Variants in ROBO2 observed in about 807,000 individuals in gnomAD.
ROBO2 encodes roundabout guidance receptor 2, also known as roundabout homolog 2.
ROBO2 carries 53 observed loss-of-function variants against 160.8 expected under a neutral mutation model. That is an observed-to-expected ratio of 0.33 (90% confidence interval 0.26 to 0.41). ROBO2 has a LOEUF of 0.41. Ranked by LOEUF, ROBO2 falls within the 10% of genes least tolerant of loss-of-function variation. ROBO2 has a pLI of 1.00. For missense variants in ROBO2, 1,577 were observed against 1,722.4 expected, an observed-to-expected ratio of 0.92 and a Z score of 1.49; for synonymous variants, 664 against 611.7, an observed-to-expected ratio of 1.09 and a Z score of -1.26.
chr3:76,340,099 T>G (rs187992478), intron 2 of ROBO2, among the ~76,000 whole-genome samples: 1,670 of 125,752 alleles, frequency 0.013, 22 homozygotes, highest in Middle Eastern at 0.043. Context: ...AAAAAAAAAC[T>G]TAGAAAATTA....
intron 21 of ROBO2, among the ~76,000 whole-genome samples, chr3:77,610,762 A>AG (rs1362554955): frequency 2.0e-5 from 3 of 149,494 alleles, no homozygotes. Flanking sequence ...AAAAAAAAAA[A>AG]AAAAAGAAAA....
chr3:76,348,060 C>T (rs1346970294), intron 2 of ROBO2, among the ~76,000 whole-genome samples: 1 of 152,024 alleles, frequency 6.6e-6, no homozygotes. Context: ...TATCCGCCAT[C>T]ATTCCACAGT....
At chr3:76,600,895 C>T (rs1251325050) in intron 2 of ROBO2, among the ~76,000 whole-genome samples, 2 of 152,136 alleles carry the variant, frequency 1.3e-5, no homozygotes, top group Non-Finnish European at 2.9e-5. Context: ...AAGGCAAGTT[C>T]CTCCCACCTA....
intron 2 of ROBO2, among the ~76,000 whole-genome samples, chr3:76,783,281 T>C (rs780245743): frequency 6.6e-6 from 1 of 150,934 alleles, no homozygotes; most frequent in African/African-American, 2.4e-5. Context: ...ACTTTCATAG[T>C]AGAGTTAAAA....
intron 2 of ROBO2, among the ~76,000 whole-genome samples, chr3:77,197,388 T>C (rs1223216046): frequency 6.6e-6 from 1 of 152,162 alleles, no homozygotes; most frequent in Non-Finnish European, 1.5e-5. Context: ...ACTGGGTCCA[T>C]GAGGCACACT....
At chr3:77,364,437 A>G (rs1366412371) in intron 2 of ROBO2, among the ~76,000 whole-genome samples, 1 of 152,092 alleles carries the variant, frequency 6.6e-6, no homozygotes, top group Non-Finnish European at 1.5e-5. Flanking sequence ...TCTTGACAGT[A>G]TGAGTGTATT....
At chr3:77,565,177 G>T in intron 12 of ROBO2, 57 bp downstream of exon 13, 1 of 1,579,058 alleles carries the variant, frequency 6.3e-7, no homozygotes, top group Non-Finnish European at 8.7e-7. Flanking sequence ...AGATATTTAA[G>T]AACGAGGGGC....
chr3:77,378,248 A>G (rs2072956933), intron 2 of ROBO2, among the ~76,000 whole-genome samples: 1 of 152,158 alleles, frequency 6.6e-6, no homozygotes, highest in South Asian at 2.1e-4. Flanking sequence ...TTGAAGGTTC[A>G]GCTAATATTT....
intron 6 of ROBO2, among the ~76,000 whole-genome samples, chr3:77,538,118 C>CA (rs111744386): frequency 0.25 from 36,157 of 144,672 alleles, 4,829 homozygotes; most frequent in Admixed American, 0.34. Flanking sequence ...CAATAAAAAA[C>CA]AAAAAAAATA....
chr3:77,509,649 A>C (rs2153614649), intron 5 of ROBO2, among the ~76,000 whole-genome samples: 1 of 152,228 alleles, frequency 6.6e-6, no homozygotes, highest in South Asian at 2.1e-4. Context: ...TGCTCAAAAT[A>C]TACTGTGTGA....
intron 2 of ROBO2, among the ~76,000 whole-genome samples, chr3:76,151,345 A>G (rs1283491331): frequency 2.0e-5 from 3 of 152,106 alleles, no homozygotes; most frequent in Non-Finnish European, 1.5e-5. Flanking sequence ...TGGGATACAT[A>G]TAATAGAGAT....
intron 5 of ROBO2, among the ~76,000 whole-genome samples, chr3:77,494,239 T>C (rs555736513): frequency 2.0e-5 from 3 of 152,300 alleles, no homozygotes; most frequent in Non-Finnish European, 4.4e-5. Flanking sequence ...ACTGCCTGCA[T>C]AAAATTGTAC....
At chr3:76,902,310 T>G (rs2075294659) in intron 2 of ROBO2, among the ~76,000 whole-genome samples, 1 of 152,082 alleles carries the variant, frequency 6.6e-6, no homozygotes, top group Admixed American at 6.6e-5. Context: ...CTACATTCTC[T>G]GTTCATATGC....
At chr3:76,824,300 A>G (rs893153779) in intron 2 of ROBO2, among the ~76,000 whole-genome samples, 1 of 152,164 alleles carries the variant, frequency 6.6e-6, no homozygotes, top group Admixed American at 6.6e-5. Flanking sequence ...GCCTGGCTAC[A>G]GTTCTGTTAC....
intron 2 of ROBO2, among the ~76,000 whole-genome samples, chr3:76,410,238 T>G (rs908436782): frequency 1.3e-5 from 2 of 152,090 alleles, no homozygotes; most frequent in African/African-American, 4.8e-5. Context: ...TCTTTGTGAT[T>G]TTTTTAGATA....
chr3:76,652,771 A>C (rs983943178), intron 2 of ROBO2, among the ~76,000 whole-genome samples: 1 of 151,966 alleles, frequency 6.6e-6, no homozygotes, highest in Admixed American at 6.6e-5. Context: ...AAAAAAAAAG[A>C]GCTAGGCATA....
intron 2 of ROBO2, among the ~76,000 whole-genome samples, chr3:76,273,300 A>T (rs1395950313): frequency 6.6e-6 from 1 of 150,692 alleles, no homozygotes; most frequent in Admixed American, 6.7e-5. Context: ...TTTCGAGGCA[A>T]TTATGCTTAG....
intron 2 of ROBO2, among the ~76,000 whole-genome samples, chr3:76,464,762 TGTA>T (rs1256429495): frequency 6.6e-6 from 1 of 152,172 alleles, no homozygotes; most frequent in Non-Finnish European, 1.5e-5. Context: ...AAATGGATAT[TGTA>T]GTTTAATTAA....
intron 1 of ROBO2, among the ~76,000 whole-genome samples, chr3:75,934,653 T>C (rs1947693394): frequency 6.6e-6 from 1 of 152,208 alleles, no homozygotes; most frequent in African/African-American, 2.4e-5. Context: ...ATATTAGTTT[T>C]CCATAAACAT....
Sources: gnomAD v4.1 joint callset for allele counts (sites outside exome capture counted in the v4.1 genomes callset) on GRCh38, gnomAD v4.1.1 for gene constraint, MANE v1.5 for transcripts, NCBI Gene and HGNC (gene_info 2026-07-23, HGNC 2026-07-21) for gene names.